Variants in FRYL observed in about 807,000 individuals in gnomAD.
The protein encoded by FRYL is FRY like transcription coactivator.
A neutral mutation model predicts 351.2 loss-of-function variants in FRYL; 150 were observed. The observed-to-expected ratio is 0.43, with a 90% confidence interval of 0.37 to 0.49. The LOEUF (loss-of-function observed/expected upper bound fraction) is 0.49. Ranked by LOEUF, FRYL falls within the 20% of genes least tolerant of loss-of-function variation. FRYL has a pLI of 0.00. For synonymous variants in FRYL, 1,153 were observed against 1,257.1 expected (o/e 0.92, Z 1.75); for missense variants, 3,036 against 3,619.3 (o/e 0.84, Z 4.13).
chr4:48,713,709 C>T (rs1399093193), intron 1 of FRYL, among the ~76,000 whole-genome samples: 2 of 152,088 alleles, frequency 1.3e-5, no homozygotes, highest in East Asian at 1.9e-4. Flanking sequence ...TTAAACAGAT[C>T]AATGAGATAG....
At chr4:48,535,578 T>TATACAC (rs1205703280) in intron 48 of FRYL, 79 bp downstream of exon 48, 116 of 435,080 alleles carry the variant, frequency 2.7e-4, no homozygotes, top group Admixed American at 8.3e-4. Context: ...TGTGTATATA[T>TATACAC]ATACACATAC....
chr4:48,527,469 A>T lies in FRYL; in HGVS notation c.7317+8T>A. 4.4e-6 allele frequency: 7 copies of T among 1,606,246 alleles called. No homozygotes were observed. The highest frequency in any genetic ancestry group is 1.3e-5 in the African/African-American group (1 of 74,742). On this transcript the variant is annotated splice_region_variant and intron_variant, in intron 53 of 63. Transcript: ENST00000358350. The stretch of plus-strand genomic sequence containing the variant: ...ATAAATATTAACAGAGAAAGCCCAC[A>T]TCCTTACCTCTGCATCTTCCAATTC...
intron 4 of FRYL, among the ~76,000 whole-genome samples, chr4:48,632,100 A>ATATATATATATATGTATG (rs1390178992): frequency 7.5e-4 from 22 of 29,280 alleles, no homozygotes; most frequent in Non-Finnish European, 1.6e-3. Context: ...AAATATATAT[A>ATATATATATATATGTATG]TATATATATA....
intron 3 of FRYL, chr4:48,653,607 C>T: frequency 3.0e-6 from 2 of 663,770 alleles, no homozygotes; most frequent in South Asian, 1.9e-5. Context: ...ATGCTATTTT[C>T]AACAGCTTTT....
At position 48,535,844 on chromosome 4, in the gene FRYL, A is replaced by G; in HGVS notation, c.6394-17T>C. The G allele has an allele frequency of 6.8e-7, 1 of 1,475,118 alleles. No homozygotes were observed. Among genetic ancestry groups the G allele is most frequent in the Admixed American group, 2.3e-5 (1 of 43,776 alleles). The allele number at this position is 1,475,118 out of a possible 1,614,324, so 91.4% of individuals were successfully genotyped here. Reference sequence around the variant, plus strand: ...TGCACAAACCTAGAAAACAAATAAAATTATTTCATTCACCTAAAATAAAGA... The same window carrying G: ...TGCACAAACCTAGAAAACAAATAAAGTTATTTCATTCACCTAAAATAAAGA... On this transcript the variant is annotated splice_polypyrimidine_tract_variant and intron_variant, in intron 47 of 63. Coordinates refer to ENST00000358350, the MANE Select transcript of FRYL (RefSeq NM_015030.2).
At chr4:48,542,313 G>C (rs1361287907) in intron 44 of FRYL, among the ~76,000 whole-genome samples, 192 bp from the exon 45 acceptor site, 1 of 152,218 alleles carries the variant, frequency 6.6e-6, no homozygotes, top group Admixed American at 6.5e-5. Context: ...TTGTAATGGT[G>C]CCACAATTTA....
At chr4:48,618,208 A>G (rs989130872) in intron 7 of FRYL, 1 of 152,234 alleles carries the variant, frequency 6.6e-6, no homozygotes, top group African/African-American at 2.4e-5. Flanking sequence ...AAATGCATAT[A>G]TTAAAGTGAT....
intron 1 of FRYL, among the ~76,000 whole-genome samples, chr4:48,737,630 G>A (rs896527692): frequency 9.9e-5 from 15 of 152,200 alleles, no homozygotes; most frequent in African/African-American, 2.9e-4. Flanking sequence ...ATTCTATGAC[G>A]CTAGTATCAC....
Position 48,606,476 on chromosome 4 carries a change from G to A in FRYL, c.703C>T (p.Pro235Ser). 1 of 1,611,412 alleles carries A rather than the reference G, an allele frequency of 6.2e-7. No homozygotes were observed. Among genetic ancestry groups the A allele is most frequent in the Non-Finnish European group, 8.5e-7 (1 of 1,178,032 alleles). Reference protein sequence around the residue: ...GMKFFRVKMYPVEDFEASFQF... With the variant: ...GMKFFRVKMYSVEDFEASFQF... ...AATGATGCTTCAAAATCTTCTACAG[G>A]ATACATTTTTACTCGAAAAAATTTC... Residue 235 changes from proline to serine, a missense_variant, in exon 10 of 64, where the codon CCT becomes TCT. Coordinates refer to ENST00000358350, the MANE Select transcript of FRYL (RefSeq NM_015030.2).
intron 42 of FRYL, 46 bp downstream of exon 42, chr4:48,546,021 G>T: frequency 1.3e-6 from 2 of 1,525,958 alleles, no homozygotes; most frequent in South Asian, 1.2e-5. Flanking sequence ...ATGAAAGAAT[G>T]ACTTAACACA....
At chr4:48,751,978 G>A (rs900167207) in intron 1 of FRYL, among the ~76,000 whole-genome samples, 58 of 152,080 alleles carry the variant, frequency 3.8e-4, no homozygotes, top group East Asian at 5.8e-4. Flanking sequence ...TTAAACCAAC[G>A]AAACATACAG....
At chr4:48,777,915 G>A (rs972922356) in intron 1 of FRYL, among the ~76,000 whole-genome samples, 1 of 152,168 alleles carries the variant, frequency 6.6e-6, no homozygotes, top group African/African-American at 2.4e-5. Flanking sequence ...GGCCAAGCAC[G>A]GTGGCTCAGT....
chr4:48,719,667 A>T (rs1334334428), intron 1 of FRYL, among the ~76,000 whole-genome samples: 1 of 151,670 alleles, frequency 6.6e-6, no homozygotes, highest in Non-Finnish European at 1.5e-5. Flanking sequence ...TTAAGGTTTG[A>T]CACCTCTGGA....
At chr4:48,589,949 G>T in intron 17 of FRYL, 72 bp from the exon 18 acceptor site, 1 of 1,320,344 alleles carries the variant, frequency 7.6e-7, no homozygotes, top group Non-Finnish European at 1.1e-6. Context: ...TGTAATAAAA[G>T]CCTATTAATC....
At chr4:48,512,428 T>C in intron 57 of FRYL, 53 bp downstream of exon 57, 1 of 1,357,178 alleles carries the variant, frequency 7.4e-7, no homozygotes, top group South Asian at 1.3e-5. Flanking sequence ...AGAAAAACTG[T>C]AACTTGATTA....
intron 49 of FRYL, among the ~76,000 whole-genome samples, chr4:48,531,814 A>G (rs1227930269): frequency 3.9e-5 from 6 of 152,220 alleles, no homozygotes; most frequent in Non-Finnish European, 7.3e-5. Context: ...AAATACTAAA[A>G]TACAGTTAAG....
At chr4:48,707,268 C>T (rs999104531) in intron 2 of FRYL, among the ~76,000 whole-genome samples, 6 of 151,534 alleles carry the variant, frequency 4.0e-5, no homozygotes, top group African/African-American at 1.2e-4. Context: ...TGAGTATATA[C>T]CCAAGGAAAA....
At chr4:48,527,712 T>C in intron 52 of FRYL, 59 bp from the exon 53 acceptor site, 1 of 1,515,074 alleles carries the variant, frequency 6.6e-7, no homozygotes, top group Non-Finnish European at 8.9e-7. Flanking sequence ...ACTCTGCGTA[T>C]GAGGTATCAG....
chr4:48,595,547 C>A, intron 15 of FRYL, 43 bp downstream of exon 15: 5 of 1,159,394 alleles, frequency 4.3e-6, no homozygotes, highest in Non-Finnish European at 6.2e-6. Context: ...ATAGATTACT[C>A]TAACAATTTA....
Sources: allele counts gnomAD v4.1 joint callset (sites outside exome capture counted in the v4.1 genomes callset), GRCh38; gene constraint gnomAD v4.1.1; transcripts MANE v1.5; gene names NCBI Gene and HGNC (gene_info 2026-07-23, HGNC 2026-07-21).